Variants in IFT172 observed in about 807,000 individuals in gnomAD.
IFT172 encodes the protein intraflagellar transport protein 172 homolog.
Under a neutral mutation model 248.9 loss-of-function variants are expected in IFT172, and 164 were observed. The ratio of observed to expected loss-of-function variants is 0.66; its 90% CI spans 0.58 to 0.75. The LOEUF is 0.75. IFT172 is among the 30% of genes least tolerant of loss of function. The pLI, the probability that IFT172 is intolerant of heterozygous loss-of-function variation, is 0.00. For synonymous variants in IFT172, 729 were observed against 791.6 expected (o/e 0.92, Z 1.33); for missense variants, 1,950 against 2,192.4 (o/e 0.89, Z 2.21).
chr2:27,446,527 C>T, intron 42 of IFT172, 172 bp from the exon 43 acceptor site: 1 of 568,838 alleles, frequency 1.8e-6, no homozygotes, highest in Non-Finnish European at 3.1e-6. Context: ...CTGAACAAGA[C>T]ACCTGGGCCT....
In IFT172 at chr2:27,462,631, A is replaced by G. The variant is rs1475846619; in HGVS notation, c.2115+70T>C. On this transcript the variant is annotated intron_variant, in intron 20 of 47. Transcript: ENST00000260570. ...TTCACCAGCACGCTTTCCTCCCTTG[A>G]GTTTGTACCCCCTTTTCTCTCTTTT... 6 of 1,381,904 alleles carry G rather than the reference A, an allele frequency of 4.3e-6. No homozygotes were observed. The Admixed American group carries it at 6.8e-5, about 16-fold the overall frequency. 85.6% of individuals were successfully genotyped at this position (1,381,904 alleles called of 1,614,324 possible).
intron 1 of IFT172, among the ~76,000 whole-genome samples, chr2:27,486,949 CT>C (rs150387708): frequency 3.8e-3 from 560 of 145,490 alleles, no homozygotes; most frequent in Admixed American, 3.7e-3. Flanking sequence ...TAATTTCCTT[CT>C]TTTTTTTTTT....
At chr2:27,472,444 A>G in intron 14 of IFT172, 82 bp from the exon 15 acceptor site, 2 of 1,092,414 alleles carry the variant, frequency 1.8e-6, no homozygotes, top group Middle Eastern at 2.1e-4. Flanking sequence ...TTTTGCTAGG[A>G]TGCCTAGGAA....
At chr2:27,477,941 A>T in intron 11 of IFT172, 54 bp downstream of exon 11, 1 of 1,604,612 alleles carries the variant, frequency 6.2e-7, no homozygotes, top group Non-Finnish European at 8.5e-7. Context: ...GGTCCCCACA[A>T]ATATTAAGCC....
intron 14 of IFT172, among the ~76,000 whole-genome samples, chr2:27,475,766 A>G (rs1408556238): frequency 2.0e-5 from 3 of 147,446 alleles, no homozygotes; most frequent in Non-Finnish European, 4.4e-5. Flanking sequence ...GTTTGACTCT[A>G]GAGTCCCATT....
At chr2:27,477,653 C>A in intron 11 of IFT172, 41 bp from the exon 12 acceptor site, 1 of 1,327,294 alleles carries the variant, frequency 7.5e-7, no homozygotes, top group South Asian at 1.2e-5. Context: ...TGGATAAATA[C>A]CCAAGATAAT....
At chr2:27,470,440 A>T (rs1667476192) in intron 16 of IFT172, among the ~76,000 whole-genome samples, 1 of 152,214 alleles carries the variant, frequency 6.6e-6, no homozygotes, top group African/African-American at 2.4e-5. Flanking sequence ...CAAGCGCTCT[A>T]CCCATACACA....
rs1490554420 is a variant in IFT172, at chr2:27,459,381, A to G, written c.2784T>C (p.Tyr928=). Residue 928 remains tyrosine, a synonymous_variant, in exon 25 of 48, where the codon TAT becomes TAC. Coordinates refer to ENST00000260570, the MANE Select transcript of IFT172 (RefSeq NM_015662.3). ...VAQHYASLQE[Y]EIAEELYTKG... is the part of the protein sequence containing the mutation. ...GCGGAAAGGGACTCTTCCTCACCTC[A>G]TACTCCTGCAGGGATGCATAGTGTT... 2 of 1,614,046 alleles carry G rather than the reference A, an allele frequency of 1.2e-6. No homozygotes were observed. Among genetic ancestry groups the G allele is most frequent in the Admixed American group, 3.3e-5 (2 of 59,998 alleles).
intron 16 of IFT172, chr2:27,466,113 T>C: frequency 1.8e-6 from 1 of 547,678 alleles, no homozygotes; most frequent in Non-Finnish European, 3.2e-6. Context: ...AGGTATAAAG[T>C]GTGGCATTCA....
chr2:27,488,346 G>A (rs915766469), intron 1 of IFT172, among the ~76,000 whole-genome samples: 1 of 151,278 alleles, frequency 6.6e-6, no homozygotes, highest in East Asian at 1.9e-4. Flanking sequence ...TAGAGATGGG[G>A]TTTCACCATG....
At chr2:27,458,675 C>T in intron 26 of IFT172, 104 bp downstream of exon 26, 1 of 1,332,836 alleles carries the variant, frequency 7.5e-7, no homozygotes, top group Non-Finnish European at 1.0e-6. Context: ...TACTCTTTGT[C>T]AGCTTTCAGG....
intron 35 of IFT172, among the ~76,000 whole-genome samples, chr2:27,452,808 C>T (rs1026890398): frequency 6.6e-6 from 1 of 152,226 alleles, no homozygotes; most frequent in African/African-American, 2.4e-5. Context: ...ATGTGGTCTA[C>T]TGTTGACCAA....
In IFT172 at chr2:27,483,616, T is replaced by C. The variant is rs1161989952; in HGVS notation, c.446A>G (p.Tyr149Cys). The change falls in exon 6 of 48, where the codon TAT (tyrosine) becomes TGT (cysteine). Residue 149 changes from tyrosine to cysteine, a missense_variant. By Grantham distance (194) the Tyr-to-Cys change is radical. Coordinates refer to ENST00000260570, the MANE Select transcript of IFT172 (RefSeq NM_015662.3). ...NTKTNKSSTI[Y>C]GTESYVVSLT... ...GGACACCACGTAAGACTCTGTCCCA[T>C]AGATGGTAGATGATTTATTAGTTTT... 3 of 1,614,082 alleles carry C rather than the reference T, an allele frequency of 1.9e-6. No homozygotes were observed. The highest frequency in any genetic ancestry group is 1.1e-5 in the South Asian group (1 of 91,088).
At chr2:27,469,613 C>T (rs1447811785) in intron 16 of IFT172, among the ~76,000 whole-genome samples, 1 of 152,164 alleles carries the variant, frequency 6.6e-6, no homozygotes, top group Non-Finnish European at 1.5e-5. Flanking sequence ...GGGTGGATCA[C>T]CTAAGGTCAG....
At chr2:27,487,548 A>G (rs989876955) in intron 1 of IFT172, among the ~76,000 whole-genome samples, 5 of 152,152 alleles carry the variant, frequency 3.3e-5, no homozygotes, top group African/African-American at 1.2e-4. Context: ...AATTTGCCCA[A>G]GTTCACATAT....
intron 38 of IFT172, 25 bp from the exon 39 acceptor site, chr2:27,449,405 C>T: frequency 6.2e-7 from 1 of 1,614,088 alleles, no homozygotes; most frequent in Non-Finnish European, 8.5e-7. Flanking sequence ...GACAGAGTTA[C>T]AAGAGAAAAG....
At chr2:27,473,630 C>T (rs1041855788) in intron 14 of IFT172, among the ~76,000 whole-genome samples, 7 of 151,514 alleles carry the variant, frequency 4.6e-5, no homozygotes, top group Non-Finnish European at 8.8e-5. Flanking sequence ...TATTTTAATG[C>T]CCCAATTATA....
intron 1 of IFT172, among the ~76,000 whole-genome samples, chr2:27,488,315 G>A (rs977155347): frequency 5.3e-5 from 8 of 152,006 alleles, no homozygotes; most frequent in Non-Finnish European, 8.8e-5. Context: ...TGCCACGCCC[G>A]GCTAATTTTT....
intron 29 of IFT172, among the ~76,000 whole-genome samples, chr2:27,457,015 A>C (rs1666217582): frequency 6.6e-6 from 1 of 152,192 alleles, no homozygotes; most frequent in Non-Finnish European, 1.5e-5. Flanking sequence ...ACTGCACTTC[A>C]GCCTGGGTGA....
Sources: gnomAD v4.1 joint callset for allele counts (sites outside exome capture counted in the v4.1 genomes callset) on GRCh38, gnomAD v4.1.1 for gene constraint, MANE v1.5 for transcripts, NCBI Gene and HGNC (gene_info 2026-07-23, HGNC 2026-07-21) for gene names.